Variants in DOCK3 observed in about 807,000 individuals in gnomAD.
The protein encoded by DOCK3 is dedicator of cytokinesis 3, also known as dedicator of cytokinesis protein 3.
DOCK3 carries 60 observed loss-of-function variants against 265.6 expected under a neutral mutation model. The ratio of observed to expected loss-of-function variants is 0.23; its 90% CI spans 0.18 to 0.28. DOCK3 has a LOEUF of 0.28. Ranked by LOEUF, DOCK3 falls within the 10% of genes least tolerant of loss-of-function variation. DOCK3 has a pLI of 1.00. For synonymous variants in DOCK3, 881 were observed against 938.0 expected, an observed-to-expected ratio of 0.94 and a Z score of 1.11; for missense variants, 1,981 against 2,594.3, an observed-to-expected ratio of 0.76 and a Z score of 5.14.
At position 51,332,297 on chromosome 3, in the gene DOCK3, A is replaced by T. The variant is rs1213229510; in HGVS notation, c.3489-704A>T. The stretch of plus-strand genomic sequence containing the variant: ...TTCAGGTCATTGTCCATTAGGAAAG[A>T]CCTGTGCGATGGCAGAGGATCTCAG... On this transcript the variant is annotated intron_variant, in intron 33 of 52. Coordinates refer to ENST00000266037, the MANE Select transcript of DOCK3 (RefSeq NM_004947.5). Among the ~76,000 whole-genome samples, 4 of 152,198 alleles carry T rather than the reference A, an allele frequency of 2.6e-5. No homozygotes were observed. In the East Asian group the frequency reaches 7.7e-4, roughly 29 times the overall value.
At chr3:50,749,366 G>A (rs1177478849) in intron 1 of DOCK3, among the ~76,000 whole-genome samples, 1 of 152,130 alleles carries the variant, frequency 6.6e-6, no homozygotes, top group Non-Finnish European at 1.5e-5. Flanking sequence ...GGGAAAGTAA[G>A]GATTAAGTTT....
At chr3:50,697,300 A>G (rs1283565434) in intron 1 of DOCK3, among the ~76,000 whole-genome samples, 1 of 152,120 alleles carries the variant, frequency 6.6e-6, no homozygotes, top group Non-Finnish European at 1.5e-5. Context: ...GTTTAAAGGA[A>G]AATGCAAGTC....
intron 22 of DOCK3, among the ~76,000 whole-genome samples, chr3:51,248,882 GCCA>G (rs2078986876): frequency 6.7e-6 from 1 of 148,808 alleles, no homozygotes; most frequent in African/African-American, 2.5e-5. Flanking sequence ...CTGCCCGGCC[GCCA>G]CCCCGTCTGG....
intron 12 of DOCK3, among the ~76,000 whole-genome samples, chr3:51,169,652 G>A (rs1479936375): frequency 6.6e-6 from 1 of 151,754 alleles, no homozygotes; most frequent in African/African-American, 2.4e-5. Context: ...CCTAGTACCT[G>A]GGTAATGAAA....
At chr3:51,222,508 G>A (rs957131786) in intron 14 of DOCK3, among the ~76,000 whole-genome samples, 1 of 152,176 alleles carries the variant, frequency 6.6e-6, no homozygotes, top group African/African-American at 2.4e-5. Context: ...TTGACAAGAA[G>A]CCTCTCCCTC....
intron 4 of DOCK3, among the ~76,000 whole-genome samples, chr3:50,912,238 T>C (rs1468169889): frequency 6.6e-6 from 1 of 152,110 alleles, no homozygotes; most frequent in Non-Finnish European, 1.5e-5. Flanking sequence ...TCCAGAAGTA[T>C]TCTCTGTATT....
At chr3:51,235,448 T>C (rs2078312371) in intron 19 of DOCK3, among the ~76,000 whole-genome samples, 3 of 152,198 alleles carry the variant, frequency 2.0e-5, no homozygotes, top group South Asian at 4.1e-4. Context: ...GTAAAGAGAA[T>C]GTGATAGCAT....
intron 1 of DOCK3, among the ~76,000 whole-genome samples, chr3:50,753,506 ATTTGTTTGTTTG>A (rs754492419): frequency 6.6e-6 from 1 of 151,862 alleles, no homozygotes; most frequent in African/African-American, 2.4e-5. Context: ...TGCTTGGATA[ATTTGTTTGTTTG>A]TTTGTTTGTT....
At chr3:51,281,647 A>T (rs2109008853) in intron 27 of DOCK3, among the ~76,000 whole-genome samples, 1 of 151,210 alleles carries the variant, frequency 6.6e-6, no homozygotes, top group East Asian at 1.9e-4. Context: ...TGTGTTGGAG[A>T]CTCTCCTCCT....
chr3:50,860,433 G>A (rs912382389), intron 3 of DOCK3, among the ~76,000 whole-genome samples: 2 of 152,126 alleles, frequency 1.3e-5, no homozygotes, highest in Non-Finnish European at 1.5e-5. Context: ...GAGGAGATAT[G>A]GGAACAGGTA....
chr3:51,320,167 G>A (rs901516815), intron 32 of DOCK3, among the ~76,000 whole-genome samples: 15 of 152,162 alleles, frequency 9.9e-5, no homozygotes, highest in Non-Finnish European at 1.8e-4. Context: ...AGCCCACAGA[G>A]GGCGAGCCAA....
At chr3:50,939,005 T>C (rs2051549007) in intron 5 of DOCK3, among the ~76,000 whole-genome samples, 1 of 151,480 alleles carries the variant, frequency 6.6e-6, no homozygotes, top group Non-Finnish European at 1.5e-5. Flanking sequence ...CAAAAACTGG[T>C]TTATAAAAGA....
chr3:51,265,440 G>A (rs572031347), intron 23 of DOCK3, among the ~76,000 whole-genome samples: 35 of 152,158 alleles, frequency 2.3e-4, no homozygotes, highest in Non-Finnish European at 4.1e-4. Flanking sequence ...ACATTGATGC[G>A]AAAATCCTCA....
chr3:50,920,416 C>T lies in DOCK3; in HGVS notation c.219-13565C>T, dbSNP rs182928506. Among the ~76,000 whole-genome samples, 12 of 152,268 alleles carry T rather than the reference C, an allele frequency of 7.9e-5. No individual in the cohort carries two copies. In the East Asian group the frequency reaches 2.3e-3, roughly 29 times the overall value. Reference sequence around the variant, plus strand: ...GTTGGTAGTCTATTAATTATTGCCTCAATTTCAGAGCCTATTATTGGTCTA... The same window carrying T: ...GTTGGTAGTCTATTAATTATTGCCTTAATTTCAGAGCCTATTATTGGTCTA... On this transcript the variant is annotated intron_variant, in intron 4 of 52. Coordinates refer to ENST00000266037, the MANE Select transcript of DOCK3 (RefSeq NM_004947.5).
At chr3:51,006,242 C>T (rs533431022) in intron 5 of DOCK3, among the ~76,000 whole-genome samples, 142 of 89,934 alleles carry the variant, frequency 1.6e-3, no homozygotes, top group Non-Finnish European at 2.6e-3. Flanking sequence ...CTTCTTATTT[C>T]CCAATCCTGC....
intron 1 of DOCK3, among the ~76,000 whole-genome samples, chr3:50,698,717 A>G (rs2035833995): frequency 6.6e-6 from 1 of 151,500 alleles, no homozygotes; most frequent in Non-Finnish European, 1.5e-5. Flanking sequence ...TCTGTCTTTT[A>G]AGAAGTGGCA....
At chr3:51,158,554 G>GAAGA (rs200646292) in intron 10 of DOCK3, among the ~76,000 whole-genome samples, 4 of 152,022 alleles carry the variant, frequency 2.6e-5, no homozygotes, top group Non-Finnish European at 4.4e-5. Context: ...TAAAGAAAAG[G>GAAGA]AAGAAAGAAA....
At chr3:50,978,479 T>C (rs1378992449) in intron 5 of DOCK3, among the ~76,000 whole-genome samples, 1 of 152,146 alleles carries the variant, frequency 6.6e-6, no homozygotes, top group African/African-American at 2.4e-5. Context: ...TCAGGGACCC[T>C]CTTGAGGAGG....
chr3:51,174,350 T>C (rs1024115953), intron 12 of DOCK3, among the ~76,000 whole-genome samples: 1 of 152,068 alleles, frequency 6.6e-6, no homozygotes, highest in Admixed American at 6.6e-5. Flanking sequence ...GTGCCTATAA[T>C]CCCAGCTACT....
Sources: allele counts gnomAD v4.1 joint callset (sites outside exome capture counted in the v4.1 genomes callset), GRCh38; gene constraint gnomAD v4.1.1; transcripts MANE v1.5; gene names NCBI Gene and HGNC (gene_info 2026-07-23, HGNC 2026-07-21).